The following EXOC3L2 variants were observed in gnomAD, a reference collection of about 807,000 sequenced individuals.
EXOC3L2 encodes the protein exocyst complex component 3-like protein 2.
In EXOC3L2, 17 loss-of-function variants were observed where a neutral mutation model predicts 44.4. The ratio of observed to expected loss-of-function variants is 0.38; its 90% CI spans 0.26 to 0.57. The LOEUF (loss-of-function observed/expected upper bound fraction) is 0.57, where lower values mean the gene tolerates loss of function less well. Among genes scored for constraint, EXOC3L2 ranks in the 20% least tolerant of loss-of-function variants. The pLI, the probability that EXOC3L2 is intolerant of heterozygous loss-of-function variation, is 0.65. For synonymous variants in EXOC3L2, 256 were observed against 253.7 expected (o/e 1.01, Z -0.09); for missense variants, 541 against 588.4 (o/e 0.92, Z 0.83).
chr19:45,213,959 TA>T (rs146118473), intron 11 of EXOC3L2, among the ~76,000 whole-genome samples: 1 of 151,028 alleles, frequency 6.6e-6, no homozygotes, highest in African/African-American at 2.4e-5. Flanking sequence ...ATTTCAAAAG[TA>T]AAAAAAAGAA....
At chr19:45,223,500 A>G (rs146871722) in intron 8 of EXOC3L2, among the ~76,000 whole-genome samples, 13,236 of 151,432 alleles carry the variant, frequency 0.087, 787 homozygotes, top group African/African-American at 0.16. Flanking sequence ...GTGCTGCCAC[A>G]CCTGGCTAAT....
chr19:45,218,433 G>T, intron 8 of EXOC3L2, 114 bp from the exon 9 acceptor site: 1 of 1,306,554 alleles, frequency 7.7e-7, no homozygotes, highest in Non-Finnish European at 1.0e-6. Flanking sequence ...GCGGTGCTGG[G>T]AACACAAGGG....
intron 11 of EXOC3L2, among the ~76,000 whole-genome samples, chr19:45,215,431 A>G (rs1322128719): frequency 6.6e-6 from 1 of 152,096 alleles, no homozygotes; most frequent in Non-Finnish European, 1.5e-5. Context: ...TGATTGTGCC[A>G]CTGCACTCCA....
intron 6 of EXOC3L2, 92 bp downstream of exon 6, chr19:45,227,882 T>TAGACAGGA: frequency 6.6e-7 from 1 of 1,513,812 alleles, no homozygotes; most frequent in Non-Finnish European, 9.0e-7. Context: ...TGTCCTCAGG[T>TAGACAGGA]GACTCCCTCT....
At chr19:45,223,631 C>T (rs952447327) in intron 8 of EXOC3L2, among the ~76,000 whole-genome samples, 2 of 150,876 alleles carry the variant, frequency 1.3e-5, no homozygotes, top group Admixed American at 6.6e-5. Flanking sequence ...CGTGAGCCAC[C>T]GCACCCAGTC....
At position 45,234,503 on chromosome 19, in the gene EXOC3L2, G is replaced by C. The variant is rs1378295855; in HGVS notation, c.847C>G (p.Arg283Gly). The part of the protein sequence containing the change: ...ADGRRGPGAA[R>G]KLRARWAEAV... ...TCGGCCCAGCGTGCGCGTAGTTTGC[G>C]GGCCGCCCCGGGACCCCGACGCCCG... is the stretch of plus-strand genomic sequence containing the variant. Residue 283 changes from arginine to glycine, a missense_variant, in exon 3 of 12, where the codon CGC becomes GGC. Arg to Gly is a moderately radical substitution (Grantham distance 125). Transcript: ENST00000413988. This position sits in a 1 kb window ranked among gnomAD's most constrained non-coding sequence, Gnocchi z 5.0. The C allele has an allele frequency of 4.1e-6, 1 of 245,898 alleles. No homozygotes were observed. Among genetic ancestry groups the C allele is most frequent in the Non-Finnish European group, 7.8e-6 (1 of 127,968 alleles). The allele number at this position is 245,898 out of a possible 1,614,324, so 15.2% of individuals were successfully genotyped here. A position where few individuals can be genotyped will look rare whatever the true frequency, so the allele number is the denominator to read the frequency against.
intron 11 of EXOC3L2, among the ~76,000 whole-genome samples, chr19:45,215,819 GC>G (rs1969826955): frequency 6.6e-6 from 1 of 152,262 alleles, no homozygotes; most frequent in Non-Finnish European, 1.5e-5. Flanking sequence ...GCAGCCCTGC[GC>G]CCCCCTGCCC....
rs1970098583 is a variant in EXOC3L2 at position 45,238,006 on chromosome 19, C to A, written c.523+517G>T. On this transcript the variant is annotated intron_variant, in intron 2 of 11. Transcript: ENST00000413988. The surrounding 1 kb of genome is among the most constrained non-coding windows in gnomAD (Gnocchi z 5.5). ...TAAAGTACAAAAATTATCCAGGTGG[C>A]ACATGCCTGTAATATCAGCTACTCG... is the stretch of plus-strand genomic sequence containing the variant. Among the ~76,000 whole-genome samples the A allele has an allele frequency of 6.6e-6, 1 of 152,018 alleles. No individual in the cohort carries two copies. The highest frequency in any genetic ancestry group is 1.5e-5 in the Non-Finnish European group (1 of 68,002).
chr19:45,216,048 C>T (rs1297751085), intron 11 of EXOC3L2, 25 bp downstream of exon 11: 1 of 1,612,010 alleles, frequency 6.2e-7, no homozygotes, highest in Non-Finnish European at 8.5e-7. Context: ...GCACGGCGAG[C>T]CCTGGCCCAG....
intron 4 of EXOC3L2, 21 bp downstream of exon 4, chr19:45,231,741 CA>C: frequency 6.3e-7 from 1 of 1,588,810 alleles, no homozygotes; most frequent in Non-Finnish European, 8.6e-7. Context: ...CTCCTGCTTC[CA>C]AAATGCAAAG....
At chr19:45,239,362 C>T (rs1248602159) in intron 1 of EXOC3L2, among the ~76,000 whole-genome samples, 2 of 150,680 alleles carry the variant, frequency 1.3e-5, no homozygotes, top group Admixed American at 1.3e-4. Flanking sequence ...GGACTACAGG[C>T]GCCCACCACC....
rs115648030 is a variant in EXOC3L2, at chr19:45,228,090, C to T, written c.1372-16G>A. 0.019 allele frequency: 30,435 copies of T among 1,614,036 alleles called. 394 individuals carry two copies. The highest frequency in any genetic ancestry group is 0.051 in the African/African-American group (3,862 of 75,018). On this transcript the variant is annotated splice_polypyrimidine_tract_variant and intron_variant, in intron 5 of 11. Transcript: ENST00000413988. Reference sequence around the variant, plus strand: ...CTTCCAGCAGCTGTGAGGTCCAGGGCGACAAGAAGAGGTGAGGAGGGGCAA... The same window carrying T: ...CTTCCAGCAGCTGTGAGGTCCAGGGTGACAAGAAGAGGTGAGGAGGGGCAA...
At position 45,213,040 on chromosome 19, in the gene EXOC3L2, G is replaced by C. The variant is rs1330730549; in HGVS notation, c.*29C>G. On this transcript the variant is annotated 3_prime_UTR_variant, in exon 12 of 12. Transcript: ENST00000413988. ...GTTGGCTTGTCAGCAGCATAGATGG[G>C]GTCACTAAGGCCGGCGGTTGGGTGA... 1 of 1,459,440 alleles carries C rather than the reference G, an allele frequency of 6.9e-7. No individual in the cohort carries two copies. Among genetic ancestry groups the C allele is most frequent in the South Asian group, 1.5e-5 (1 of 68,118 alleles). 90.4% of individuals were successfully genotyped at this position (1,459,440 alleles called of 1,614,324 possible). A position where few individuals can be genotyped will look rare whatever the true frequency, so the allele number is the denominator to read the frequency against.
chr19:45,235,692 A>C (rs576926401), intron 2 of EXOC3L2, among the ~76,000 whole-genome samples: 1 of 152,152 alleles, frequency 6.6e-6, no homozygotes, highest in Non-Finnish European at 1.5e-5. Flanking sequence ...CCTGGCAGAG[A>C]AACTATTTCC....
In EXOC3L2 at chr19:45,231,809, G is replaced by A. The variant is rs1294801476; in HGVS notation, c.1223C>T (p.Pro408Leu). The A allele has an allele frequency of 1.2e-6, 2 of 1,611,150 alleles. No homozygotes were observed. Among genetic ancestry groups the A allele is most frequent in the Non-Finnish European group, 8.5e-7 (1 of 1,177,650 alleles). ...ATCCTCCAAACCCCGCAGGGTGCCA[G>A]GGGAGAGAAGGGGCCCCAGCTCCCC... ...ENGELGPLLSPGTLRGLEDEC... is the reference protein window; with the variant it reads ...ENGELGPLLSLGTLRGLEDEC... Residue 408 changes from proline (P) to leucine (L), a missense_variant, in exon 4 of 12, where the codon CCT (proline) becomes CTT (leucine). By Grantham distance (98) the Pro-to-Leu change is moderately conservative. Transcript: ENST00000413988.
intron 1 of EXOC3L2, among the ~76,000 whole-genome samples, chr19:45,244,794 C>T (rs1970156877): frequency 6.6e-6 from 1 of 152,056 alleles, no homozygotes; most frequent in Non-Finnish European, 1.5e-5. Context: ...TGTCCCCAAG[C>T]CCAACCCCAA....
At chr19:45,220,394 C>A (rs754815636) in intron 8 of EXOC3L2, among the ~76,000 whole-genome samples, 7 of 151,616 alleles carry the variant, frequency 4.6e-5, no homozygotes, top group Non-Finnish European at 1.0e-4. Context: ...CATGTAAGCC[C>A]AGGTGGTTGA....
intron 8 of EXOC3L2, among the ~76,000 whole-genome samples, chr19:45,220,281 T>C (rs990489844): frequency 2.6e-5 from 4 of 151,942 alleles, no homozygotes; most frequent in Non-Finnish European, 4.4e-5. Flanking sequence ...AAGGGCAACA[T>C]AGTAAGACTC....
At position 45,228,023 on chromosome 19, in the gene EXOC3L2, C is replaced by T; in HGVS notation, c.1423G>A (p.Glu475Lys). The change falls in exon 6 of 12, where the codon GAG (glutamate) becomes AAG (lysine). Residue 475 changes from glutamate to lysine, a missense_variant. Physicochemically the swap from Glu to Lys is moderately conservative, Grantham distance 56. Transcript: ENST00000413988. ...RAPRISQEFG[E>K]RMAHCCLGGL... is the part of the protein sequence containing the mutation. ...CCTAGGCAGCAGTGGGCCATCCGCT[C>T]CCCAAACTCCTGGCTGATGCGGGGT... is the stretch of plus-strand genomic sequence containing the variant. 6.2e-7 allele frequency: 1 copy of T among 1,614,106 alleles called. No homozygotes were observed. Among genetic ancestry groups the T allele is most frequent in the Non-Finnish European group, 8.5e-7 (1 of 1,180,038 alleles).
Sources: gnomAD v4.1 joint callset for allele counts (sites outside exome capture counted in the v4.1 genomes callset) on GRCh38, gnomAD v4.1.1 for gene constraint, Gnocchi (gnomAD v3.1) non-coding constraint, MANE v1.5 for transcripts, NCBI Gene and HGNC (gene_info 2026-07-23, HGNC 2026-07-21) for gene names.